Variants in LRP1B observed in about 807,000 individuals in gnomAD.
LRP1B encodes the protein LDL receptor related protein 1B.
LRP1B carries 217 observed loss-of-function variants against 556.6 expected under a neutral mutation model. The ratio of observed to expected loss-of-function variants is 0.39; its 90% CI spans 0.35 to 0.44. The LOEUF (loss-of-function observed/expected upper bound fraction) is 0.44, where lower values mean the gene tolerates loss of function less well. Among genes scored for constraint, LRP1B ranks in the 20% least tolerant of loss-of-function variants. The probability of loss-of-function intolerance (pLI) is 1.00; values close to 1 mark genes in which losing one functional copy is unlikely to be tolerated. For synonymous variants in LRP1B, 2,047 were observed against 1,865.8 expected (o/e 1.10, Z -2.50); for missense variants, 5,053 against 5,620.8 (o/e 0.90, Z 3.23).
chr2:141,929,302 A>G (rs1384025168), intron 1 of LRP1B, among the ~76,000 whole-genome samples: 1 of 152,120 alleles, frequency 6.6e-6, no homozygotes. Flanking sequence ...TAACACACAC[A>G]TAATACATGC....
At chr2:141,167,491 TTTC>T (rs1275588805) in intron 7 of LRP1B, 2 of 151,842 alleles carry the variant, frequency 1.3e-5, no homozygotes, top group African/African-American at 4.8e-5. Context: ...AAGTTCTTCA[TTTC>T]TTCTTTCCAG....
chr2:142,127,718 T>C (rs748137306), intron 1 of LRP1B, among the ~76,000 whole-genome samples: 1 of 151,964 alleles, frequency 6.6e-6, no homozygotes, highest in Non-Finnish European at 1.5e-5. Flanking sequence ...TTAATTGCCA[T>C]TGTTTGATGG....
intron 1 of LRP1B, among the ~76,000 whole-genome samples, chr2:141,862,803 A>G (rs982966434): frequency 5.3e-5 from 8 of 152,242 alleles, no homozygotes; most frequent in Admixed American, 5.2e-4. Flanking sequence ...TTGAGATTAT[A>G]AAAGAAATGA....
rs991011669 is a variant in LRP1B at position 140,575,671 on chromosome 2, C to T, written c.7194+22960G>A. On this transcript the variant is annotated intron_variant, in intron 43 of 90. Coordinates refer to ENST00000389484, the MANE Select transcript of LRP1B (RefSeq NM_018557.3). ...GGGCGCTGTGGTTCATGCCTGTAAT[C>T]CCAGCACTTTCGGAGGCTGAAGCGG... 2.0e-5 allele frequency among the ~76,000 whole-genome samples: 3 copies of T among 152,024 alleles called. No homozygotes were observed. The East Asian group carries it at 5.8e-4, about 29-fold the overall frequency.
chr2:140,728,206 T>G (rs77064674), intron 35 of LRP1B, among the ~76,000 whole-genome samples: 4,369 of 152,260 alleles, frequency 0.029, 74 homozygotes, highest in Middle Eastern at 0.054. Context: ...ATCAAGGTAA[T>G]AAAAAGAATC....
intron 20 of LRP1B, among the ~76,000 whole-genome samples, chr2:140,946,757 C>T (rs1468789392): frequency 1.3e-5 from 2 of 152,136 alleles, no homozygotes; most frequent in Non-Finnish European, 1.5e-5. Flanking sequence ...CTCACAGTGG[C>T]AGACATGGAA....
chr2:140,282,654 A>G (rs1682964399), intron 84 of LRP1B, among the ~76,000 whole-genome samples: 1 of 151,760 alleles, frequency 6.6e-6, no homozygotes, highest in African/African-American at 2.4e-5. Context: ...GCAGACCCAC[A>G]AGAAGTCTGC....
intron 35 of LRP1B, among the ~76,000 whole-genome samples, chr2:140,746,095 A>G (rs1688303689): frequency 1.3e-5 from 2 of 152,120 alleles, no homozygotes; most frequent in South Asian, 4.1e-4. Context: ...CAATATGGGA[A>G]GTTGTCCAGC....
chr2:141,948,989 A>G (rs1011577430), intron 1 of LRP1B, among the ~76,000 whole-genome samples: 3 of 152,196 alleles, frequency 2.0e-5, no homozygotes, highest in Non-Finnish European at 2.9e-5. Flanking sequence ...TAATTATGTC[A>G]AAAGTAATAA....
chr2:141,285,320 CT>C (rs1231165449), intron 3 of LRP1B, among the ~76,000 whole-genome samples: 1 of 151,856 alleles, frequency 6.6e-6, no homozygotes, highest in East Asian at 1.9e-4. Context: ...AACTCCTGAC[CT>C]CGTTTTCCAC....
intron 35 of LRP1B, among the ~76,000 whole-genome samples, chr2:140,721,713 A>ATT (rs10616732): frequency 1.1e-3 from 144 of 125,610 alleles, no homozygotes; most frequent in African/African-American, 4.0e-3. Context: ...ACACCCGGCT[A>ATT]TTTTTTTTTT....
chr2:140,938,360 A>G (rs557531327), intron 20 of LRP1B, among the ~76,000 whole-genome samples: 1 of 152,224 alleles, frequency 6.6e-6, no homozygotes, highest in Admixed American at 6.6e-5. Context: ...GAATAAAAAC[A>G]AAAAAGACAG....
chr2:140,824,252 T>C (rs1161559914), intron 31 of LRP1B, among the ~76,000 whole-genome samples: 5 of 152,074 alleles, frequency 3.3e-5, no homozygotes, highest in African/African-American at 1.2e-4. Flanking sequence ...AAAATACTCT[T>C]TTTTTTAAAA....
intron 3 of LRP1B, among the ~76,000 whole-genome samples, chr2:141,329,654 A>AG (rs1687565797): frequency 7.1e-6 from 1 of 140,184 alleles, no homozygotes; most frequent in Non-Finnish European, 1.5e-5. Context: ...AAAAAAAAAA[A>AG]AAAAAAAAAA....
intron 18 of LRP1B, among the ~76,000 whole-genome samples, chr2:140,954,603 T>TA (rs1695819750): frequency 6.6e-6 from 1 of 151,898 alleles, no homozygotes; most frequent in South Asian, 2.1e-4. Context: ...ATTTTAACAC[T>TA]AAAAAACAGT....
Position 141,126,136 on chromosome 2 carries a change from A to G in LRP1B, c.1013+62285T>C, listed in dbSNP as rs542895974. On this transcript the variant is annotated intron_variant, in intron 7 of 90. Coordinates refer to ENST00000389484, the MANE Select transcript of LRP1B (RefSeq NM_018557.3). ...AACCTCTGCCTCCCAGATTCAAGTGATTCTCTTGCCTCAGCCTCCTGAGTA... is the reference window on the plus strand; with the variant it reads ...AACCTCTGCCTCCCAGATTCAAGTGGTTCTCTTGCCTCAGCCTCCTGAGTA... 5.3e-5 allele frequency among the ~76,000 whole-genome samples: 8 copies of G among 151,678 alleles called. No homozygotes were observed. The East Asian group carries it at 1.6e-3, about 30-fold the overall frequency.
At chr2:140,606,851 T>C (rs115197558) in intron 41 of LRP1B, among the ~76,000 whole-genome samples, 6,247 of 151,938 alleles carry the variant, frequency 0.041, 173 homozygotes, top group Middle Eastern at 0.082. Flanking sequence ...GATGAAACTC[T>C]TAGGATAAAA....
chr2:141,695,704 C>T (rs1463128675), intron 2 of LRP1B, among the ~76,000 whole-genome samples: 2 of 151,842 alleles, frequency 1.3e-5, no homozygotes, highest in African/African-American at 2.4e-5. Context: ...TAATTTAATG[C>T]CACTGTATTG....
chr2:141,700,008 A>G (rs1022661621), intron 2 of LRP1B, among the ~76,000 whole-genome samples: 1 of 151,322 alleles, frequency 6.6e-6, no homozygotes, highest in Non-Finnish European at 1.5e-5. Flanking sequence ...TTTGAAACTC[A>G]TATGTAAATA....
Sources: gnomAD v4.1 joint callset for allele counts (sites outside exome capture counted in the v4.1 genomes callset) on GRCh38, gnomAD v4.1.1 for gene constraint, MANE v1.5 for transcripts, NCBI Gene and HGNC (gene_info 2026-07-23, HGNC 2026-07-21) for gene names.